SVIL: variants seen among roughly 807,000 people sequenced by gnomAD.
SVIL encodes the protein supervillin.
Under a neutral mutation model 240.4 loss-of-function variants are expected in SVIL, and 101 were observed. The ratio of observed to expected loss-of-function variants is 0.42; its 90% CI spans 0.36 to 0.50. The LOEUF (loss-of-function observed/expected upper bound fraction) is 0.50. Among genes scored for constraint, SVIL ranks in the 20% least tolerant of loss-of-function variants. The pLI is 0.01. For missense variants in SVIL, 2,512 were observed against 2,818.7 expected (o/e 0.89, Z 2.46); for synonymous variants, 999 against 1,100.0 (o/e 0.91, Z 1.82).
At chr10:29,639,466 GC>G (rs1416559053), upstream of SVIL, among the ~76,000 whole-genome samples, 2 of 134,266 alleles carry the variant, frequency 1.5e-5, no homozygotes, top group Non-Finnish European at 3.1e-5. Flanking sequence ...ACTGCGCCTG[GC>G]CCTTTTTTTT....
intron 6 of SVIL, among the ~76,000 whole-genome samples, chr10:29,538,109 T>A (rs555843877): frequency 3.9e-5 from 6 of 152,218 alleles, no homozygotes; most frequent in African/African-American, 1.4e-4. Flanking sequence ...CAAGTTCCTA[T>A]AACGAATCTG....
At chr10:29,568,411 T>A (rs1955167371) in intron 2 of SVIL, among the ~76,000 whole-genome samples, 1 of 151,854 alleles carries the variant, frequency 6.6e-6, no homozygotes. Context: ...CAAGGAACAA[T>A]GTCATAATAC....
chr10:29,604,474 G>A (rs1019543092), intron 1 of SVIL, among the ~76,000 whole-genome samples: 1 of 145,570 alleles, frequency 6.9e-6, no homozygotes, highest in Non-Finnish European at 1.5e-5. Context: ...TGCCCACCTC[G>A]GCCTTCCCAA....
intron 2 of SVIL, among the ~76,000 whole-genome samples, chr10:29,567,228 C>G (rs951063208): frequency 6.6e-6 from 1 of 152,072 alleles, no homozygotes; most frequent in African/African-American, 2.4e-5. Flanking sequence ...CATAGCAGCA[C>G]GGGGGAATTT....
rs533456456 is a variant in SVIL at position 29,567,112 on chromosome 10, T to C, written c.-143+2143A>G. Among the ~76,000 whole-genome samples, 12 of 152,332 alleles carry C rather than the reference T, an allele frequency of 7.9e-5. No individual in the cohort carries two copies. In the South Asian group the frequency reaches 2.1e-3, roughly 26 times the overall value. ...AGTGCTCGTTCTTTAGGACTGATTG[T>C]TTGTGCCGCCACCCCCCTTCCTCTG... On this transcript the variant is annotated intron_variant, in intron 2 of 37. Coordinates refer to ENST00000355867, the MANE Select transcript of SVIL (RefSeq NM_021738.3).
At chr10:29,559,107 A>G (rs1954214898) in intron 3 of SVIL, among the ~76,000 whole-genome samples, 1 of 151,900 alleles carries the variant, frequency 6.6e-6, no homozygotes, top group South Asian at 2.1e-4. Flanking sequence ...GTGGAAATCT[A>G]TGTTGTAACG....
intron 1 of SVIL, among the ~76,000 whole-genome samples, chr10:29,575,812 A>G (rs7903861): frequency 0.29 from 44,639 of 152,118 alleles, 6,816 homozygotes; most frequent in African/African-American, 0.38. Flanking sequence ...TGGAATCCTC[A>G]TGAGAAAATC....
In SVIL at chr10:29,484,249, A is replaced by T. The variant is rs998251174; in HGVS notation, c.4955+407T>A. 6.6e-6 allele frequency among the ~76,000 whole-genome samples: 1 copy of T among 152,198 alleles called. No individual in the cohort carries two copies. Among genetic ancestry groups the T allele is most frequent in the African/African-American group, 2.4e-5 (1 of 41,462 alleles). On this transcript the variant is annotated intron_variant, in intron 27 of 37. Transcript: ENST00000355867. This position sits in a 1 kb window ranked among gnomAD's most constrained non-coding sequence, Gnocchi z 4.7. ...AATTCGAGGGCGATGCTGGGAAGGT[A>T]TGAAATTAGAGGGAGGCATGTTGCT...
chr10:29,669,165 G>A (rs1959568665), intron 2 of SVIL, among the ~76,000 whole-genome samples: 1 of 152,178 alleles, frequency 6.6e-6, no homozygotes, highest in African/African-American at 2.4e-5. Flanking sequence ...AGATAAAGTG[G>A]TCTGTGTCTC....
intron 1 of SVIL, among the ~76,000 whole-genome samples, chr10:29,607,871 G>T (rs1957083856): frequency 6.6e-6 from 1 of 152,196 alleles, no homozygotes; most frequent in Non-Finnish European, 1.5e-5. Context: ...AAGAAGATGT[G>T]AACTGAGTTG....
chr10:29,575,634 C>T (rs1955658798), intron 1 of SVIL, among the ~76,000 whole-genome samples: 1 of 152,198 alleles, frequency 6.6e-6, no homozygotes, highest in African/African-American at 2.4e-5. Flanking sequence ...GTAAGCCCTA[C>T]TGGTGCTATT....
At chr10:29,716,742 T>C (rs1056637813) in intron 1 of SVIL, among the ~76,000 whole-genome samples, 2 of 152,194 alleles carry the variant, frequency 1.3e-5, no homozygotes, top group African/African-American at 4.8e-5. Flanking sequence ...ATAAAACATC[T>C]TGGATTCTTG....
At chr10:29,564,978 G>A (rs7077934) in intron 2 of SVIL, among the ~76,000 whole-genome samples, 64,678 of 151,872 alleles carry the variant, frequency 0.43, 13,821 homozygotes, top group African/African-American at 0.44. Context: ...AAGGAATGGC[G>A]TGTTATTTTA....
intron 1 of SVIL, among the ~76,000 whole-genome samples, chr10:29,597,494 T>A (rs961021110): frequency 1.3e-5 from 2 of 152,150 alleles, no homozygotes; most frequent in Non-Finnish European, 2.9e-5. Flanking sequence ...CTTGGCTCAC[T>A]GCAACCTCCA....
chr10:29,544,479 G>C (rs1952450909), intron 6 of SVIL, among the ~76,000 whole-genome samples: 2 of 152,140 alleles, frequency 1.3e-5, no homozygotes, highest in African/African-American at 4.8e-5. Flanking sequence ...AGTCTGCCAG[G>C]CCCGGTGGCT....
chr10:29,588,780 G>C (rs547168487), intron 1 of SVIL, among the ~76,000 whole-genome samples: 2 of 152,250 alleles, frequency 1.3e-5, no homozygotes, highest in South Asian at 4.1e-4. Flanking sequence ...GTAAAATGTA[G>C]ATTTACTGTG....
rs111933756 is a variant in SVIL at position 29,532,942 on chromosome 10, C to T, written c.1425G>A (p.Glu475=). The change falls in exon 8 of 38, where the codon GAG becomes GAA. Residue 475 remains glutamate (E), a synonymous_variant. Transcript: ENST00000355867. ...VRSPEDPSRN[E]DFGKPAVSTV... ...TGCTCACAGCAGGCTTACCAAAGTC[C>T]TCATTTCTAGAGGGATCTTCTGGGC... 1.9e-6 allele frequency: 3 copies of T among 1,613,982 alleles called. No homozygotes were observed. Among genetic ancestry groups the T allele is most frequent in the Admixed American group, 3.3e-5 (2 of 60,002 alleles).
intron 1 of SVIL, among the ~76,000 whole-genome samples, chr10:29,579,383 A>G (rs1357837985): frequency 6.6e-6 from 1 of 152,168 alleles, no homozygotes; most frequent in African/African-American, 2.4e-5. Flanking sequence ...GGTTGCAGTG[A>G]GCAGAGATTG....
At position 29,700,497 on chromosome 10, in the gene SVIL, G is replaced by T. The variant is rs1962429778; in HGVS notation, c.-399-13846C>A. On this transcript the variant is annotated intron_variant, in intron 1 of 35. Transcript: ENST00000375400. ...TTTTTTTTTTTTTTTTGGAGATGGA[G>T]ATATGCTCTGTCGCCCAGCCTGGAG... is the stretch of plus-strand genomic sequence containing the variant. 2.6e-5 allele frequency among the ~76,000 whole-genome samples: 3 copies of T among 116,850 alleles called. No individual in the cohort carries two copies. In the South Asian group the frequency reaches 8.7e-4, roughly 34 times the overall value. 76.7% of individuals were successfully genotyped at this position (116,850 alleles called of 152,430 possible). A position where few individuals can be genotyped will look rare whatever the true frequency, so the allele number is the denominator to read the frequency against.
Sources: gnomAD v4.1 joint callset for allele counts (sites outside exome capture counted in the v4.1 genomes callset) on GRCh38, gnomAD v4.1.1 for gene constraint, Gnocchi (gnomAD v3.1) non-coding constraint, MANE v1.5 for transcripts, NCBI Gene and HGNC (gene_info 2026-07-23, HGNC 2026-07-21) for gene names.